The following SHISA9 variants were observed in gnomAD, a reference collection of about 807,000 sequenced individuals.
SHISA9 encodes the protein protein shisa-9.
SHISA9 carries 13 observed loss-of-function variants against 38.0 expected under a neutral mutation model. That is an observed-to-expected ratio of 0.34 (90% CI 0.22 to 0.54). The LOEUF (loss-of-function observed/expected upper bound fraction) is 0.54, where lower values mean the gene tolerates loss of function less well. Among genes scored for constraint, SHISA9 ranks in the 20% least tolerant of loss-of-function variants. SHISA9 has a pLI of 0.91. For synonymous variants in SHISA9, 275 were observed against 242.0 expected (o/e 1.14, Z -1.27); for missense variants, 538 against 575.8 (o/e 0.93, Z 0.67).
intron 2 of SHISA9, among the ~76,000 whole-genome samples, chr16:12,969,232 A>G (rs2072022264): frequency 6.6e-6 from 1 of 151,742 alleles, no homozygotes; most frequent in South Asian, 2.1e-4. Context: ...GCTAATCTCT[A>G]TTCTGGAGCA....
At chr16:13,056,188 C>G (rs1024902544) in intron 2 of SHISA9, among the ~76,000 whole-genome samples, 3 of 152,178 alleles carry the variant, frequency 2.0e-5, no homozygotes, top group Non-Finnish European at 4.4e-5. Context: ...ACTCTGAACA[C>G]TTTATCCCAG....
chr16:13,059,894 C>T (rs2073354188), intron 2 of SHISA9, among the ~76,000 whole-genome samples: 1 of 152,066 alleles, frequency 6.6e-6, no homozygotes, highest in Non-Finnish European at 1.5e-5. Flanking sequence ...TCCAAAGGGA[C>T]CCACCCTGCC....
intron 3 of SHISA9, among the ~76,000 whole-genome samples, chr16:13,212,908 AC>A (rs1180115733): frequency 6.6e-6 from 1 of 152,184 alleles, no homozygotes; most frequent in Non-Finnish European, 1.5e-5. Context: ...TATAACTCAA[AC>A]TTTCCTTTCT....
At chr16:13,532,115 T>C in the SHISA9 span, among the ~76,000 whole-genome samples, 1 of 152,242 alleles carries the variant, frequency 6.6e-6, no homozygotes, top group Non-Finnish European at 1.5e-5. Context: ...ATTATCTCCC[T>C]GTCAGCACGA....
chr16:13,268,607 C>T, the SHISA9 span, among the ~76,000 whole-genome samples: 1 of 152,166 alleles, frequency 6.6e-6, no homozygotes. Context: ...AAATGGGGAA[C>T]ATTACACTTC....
At chr16:13,262,226 G>A in the SHISA9 span, among the ~76,000 whole-genome samples, 1 of 152,176 alleles carries the variant, frequency 6.6e-6, no homozygotes, top group African/African-American at 2.4e-5. Flanking sequence ...GATATGCTCA[G>A]TTTCTGAAAA....
chr16:13,468,901 A>G, the SHISA9 span, among the ~76,000 whole-genome samples: 1 of 151,968 alleles, frequency 6.6e-6, no homozygotes, highest in African/African-American at 2.4e-5. Context: ...ATGTGTATAT[A>G]AAACACATAT....
chr16:13,296,223 T>G, the SHISA9 span, among the ~76,000 whole-genome samples: 2 of 152,006 alleles, frequency 1.3e-5, no homozygotes, highest in Non-Finnish European at 2.9e-5. Flanking sequence ...TTTTGTTTTT[T>G]TTTTTTCTCT....
chr16:13,148,364 T>C (rs1423763095), intron 2 of SHISA9, among the ~76,000 whole-genome samples: 5 of 151,948 alleles, frequency 3.3e-5, no homozygotes, highest in African/African-American at 1.2e-4. Context: ...ACATCCACAC[T>C]ACACACACCA....
intron 2 of SHISA9, among the ~76,000 whole-genome samples, chr16:13,137,840 C>T (rs989779721): frequency 1.3e-5 from 2 of 152,186 alleles, no homozygotes; most frequent in Non-Finnish European, 2.9e-5. Flanking sequence ...CCAGTTCATT[C>T]CTCTTCCTAT....
the SHISA9 span, among the ~76,000 whole-genome samples, chr16:13,374,472 A>G: frequency 6.6e-6 from 1 of 152,136 alleles, no homozygotes; most frequent in South Asian, 2.1e-4. Flanking sequence ...AGCTTCATCC[A>G]TGTCCCTACA....
chr16:13,387,576 G>A, the SHISA9 span, among the ~76,000 whole-genome samples: 1 of 150,978 alleles, frequency 6.6e-6, no homozygotes, highest in Non-Finnish European at 1.5e-5. Context: ...TGCAACCCTC[G>A]CCTCCTGGGT....
At chr16:13,468,228 T>C in the SHISA9 span, among the ~76,000 whole-genome samples, 2,134 of 152,318 alleles carry the variant, frequency 0.014, 20 homozygotes, top group Middle Eastern at 0.031. Flanking sequence ...AGAAAGCTTG[T>C]TGCTGGAAAC....
At chr16:13,560,047 C>G in the SHISA9 span, among the ~76,000 whole-genome samples, 1 of 152,200 alleles carries the variant, frequency 6.6e-6, no homozygotes, top group Admixed American at 6.5e-5. Context: ...AGAGAGAATT[C>G]ATTGACTTGG....
the SHISA9 span, among the ~76,000 whole-genome samples, chr16:13,299,021 G>T: frequency 1.3e-5 from 2 of 152,192 alleles, no homozygotes; most frequent in Admixed American, 1.3e-4. Context: ...CCTCAGAGCT[G>T]CAAGGATAAG....
intron 2 of SHISA9, among the ~76,000 whole-genome samples, chr16:13,027,933 CAAAAAAAAA>C (rs1240201539): frequency 2.9e-5 from 3 of 103,712 alleles, no homozygotes; most frequent in Admixed American, 2.4e-4. Context: ...GTCTCAAAAA[CAAAAAAAAA>C]AAAAAAAAAA....
intron 2 of SHISA9, among the ~76,000 whole-genome samples, chr16:12,985,241 GTAAA>G (rs3075032): frequency 0.34 from 50,564 of 148,854 alleles, 8,810 homozygotes; most frequent in Admixed American, 0.36. Flanking sequence ...AAATAAATAA[GTAAA>G]TAAATAAATA....
At chr16:13,303,902 C>G in the SHISA9 span, among the ~76,000 whole-genome samples, 11 of 152,152 alleles carry the variant, frequency 7.2e-5, no homozygotes, top group Admixed American at 1.3e-4. Context: ...TCTTCCCAGA[C>G]TTAATCTTTT....
chr16:13,054,334 G>A (rs765076393), intron 2 of SHISA9, among the ~76,000 whole-genome samples: 4 of 152,168 alleles, frequency 2.6e-5, no homozygotes, highest in African/African-American at 9.7e-5. Flanking sequence ...TCTGCTTGGC[G>A]TCTGGTGCAC....
Sources: gnomAD v4.1 joint callset for allele counts (sites outside exome capture counted in the v4.1 genomes callset) on GRCh38, gnomAD v4.1.1 for gene constraint, MANE v1.5 for transcripts, NCBI Gene and HGNC (gene_info 2026-07-23, HGNC 2026-07-21) for gene names.